COL8A1: variants seen among roughly 807,000 people sequenced by gnomAD.
The protein encoded by COL8A1 is collagen type VIII alpha 1 chain, also known as collagen alpha-1(VIII) chain.
COL8A1 carries 21 observed loss-of-function variants against 42.7 expected under a neutral mutation model. That is an observed-to-expected ratio of 0.49 (90% confidence interval 0.35 to 0.71). The LOEUF (loss-of-function observed/expected upper bound fraction) is 0.71. Among genes scored for constraint, COL8A1 ranks in the 30% least tolerant of loss-of-function variants. The probability of loss-of-function intolerance (pLI) is 0.01; values close to 1 mark genes in which losing one functional copy is unlikely to be tolerated. For missense variants in COL8A1, 788 were observed against 962.4 expected (o/e 0.82, Z 2.40); for synonymous variants, 367 against 369.1 (o/e 0.99, Z 0.06).
chr3:99,673,178 T>C (rs1379075300), intron 1 of COL8A1, among the ~76,000 whole-genome samples: 1 of 152,084 alleles, frequency 6.6e-6, no homozygotes, highest in African/African-American at 2.4e-5. Flanking sequence ...TTTGTGGATT[T>C]TTTTTTAACA....
At chr3:99,696,019 A>G (rs1939355443) in intron 1 of COL8A1, among the ~76,000 whole-genome samples, 1 of 152,190 alleles carries the variant, frequency 6.6e-6, no homozygotes, top group African/African-American at 2.4e-5. Context: ...CTGTAATCCC[A>G]GCTACTCAGG....
chr3:99,726,076 G>A (rs1456256425), intron 1 of COL8A1, among the ~76,000 whole-genome samples: 1 of 152,080 alleles, frequency 6.6e-6, no homozygotes, highest in African/African-American at 2.4e-5. Context: ...TCCAGTACCT[G>A]TTGTTTTCTG....
chr3:99,734,577 G>A (rs1486898123), intron 1 of COL8A1, among the ~76,000 whole-genome samples: 6 of 151,992 alleles, frequency 3.9e-5, no homozygotes, highest in Non-Finnish European at 8.8e-5. Context: ...TTGAAGTCAG[G>A]TAGTGTGATG....
chr3:99,677,064 A>AAG (rs140136211), intron 1 of COL8A1, among the ~76,000 whole-genome samples: 479 of 149,440 alleles, frequency 3.2e-3, no homozygotes, highest in African/African-American at 4.7e-3. Context: ...CAAAAAGAAA[A>AAG]AGAGAGAGAG....
intron 1 of COL8A1, among the ~76,000 whole-genome samples, chr3:99,688,992 C>T (rs1228169691): frequency 6.6e-6 from 1 of 152,152 alleles, no homozygotes; most frequent in East Asian, 1.9e-4. Context: ...AGCCAAATGT[C>T]CCATAGATGG....
At chr3:99,713,860 G>T (rs1038142838) in intron 1 of COL8A1, among the ~76,000 whole-genome samples, 1 of 152,106 alleles carries the variant, frequency 6.6e-6, no homozygotes, top group Non-Finnish European at 1.5e-5. Flanking sequence ...GAGCCAACTT[G>T]CCCCAGGCTG....
At chr3:99,673,658 G>T (rs1938609390) in intron 1 of COL8A1, among the ~76,000 whole-genome samples, 1 of 152,038 alleles carries the variant, frequency 6.6e-6, no homozygotes, top group South Asian at 2.1e-4. Flanking sequence ...CACTCTGATT[G>T]TAAGATAATT....
At chr3:99,784,050 T>C (rs1391264087) in intron 2 of COL8A1, among the ~76,000 whole-genome samples, 1 of 152,192 alleles carries the variant, frequency 6.6e-6, no homozygotes, top group Non-Finnish European at 1.5e-5. Flanking sequence ...GCTTGTCTTA[T>C]GTAAGAGAAG....
chr3:99,740,569 T>A (rs114702333), intron 1 of COL8A1, among the ~76,000 whole-genome samples: 2,042 of 152,240 alleles, frequency 0.013, 34 homozygotes, highest in Non-Finnish European at 0.018. Flanking sequence ...CTGTGAGAAC[T>A]CACTCACTGT....
chr3:99,668,252 T>C (rs887740966), intron 1 of COL8A1, among the ~76,000 whole-genome samples: 3 of 152,178 alleles, frequency 2.0e-5, no homozygotes, highest in African/African-American at 7.2e-5. Flanking sequence ...AATTGTGTTA[T>C]CAGGTTTTCG....
Position 99,794,467 on chromosome 3 carries a change from C to A in COL8A1, c.566C>A (p.Pro189His). 1 of 1,614,070 alleles carries A rather than the reference C, an allele frequency of 6.2e-7. No individual in the cohort carries two copies. Among genetic ancestry groups the A allele is most frequent in the Non-Finnish European group, 8.5e-7 (1 of 1,179,974 alleles). The change falls in exon 4 of 4, where the codon CCT becomes CAT. Residue 189 changes from proline to histidine, a missense_variant. By Grantham distance (77) the Pro-to-His change is moderately conservative (BLOSUM62 -2). This residue lies in a region of COL8A1 where 421 missense variants were observed against 553.1 expected (regional missense o/e 0.76). Coordinates refer to ENST00000652472, the MANE Select transcript of COL8A1 (RefSeq NM_020351.4). The surrounding 1 kb of genome is among the most constrained non-coding windows in gnomAD (Gnocchi z 4.3). The part of the protein sequence containing the change: ...GEIGQKGEIG[P>H]MGIPGPQGPP... ...ATTGGACAGAAAGGGGAAATTGGGC[C>A]TATGGGGATCCCAGGACCACAAGGA...
chr3:99,680,733 T>C (rs1938849861), intron 1 of COL8A1, among the ~76,000 whole-genome samples: 1 of 152,176 alleles, frequency 6.6e-6, no homozygotes, highest in African/African-American at 2.4e-5. Flanking sequence ...GATTTGCATT[T>C]CTGTATACTA....
chr3:99,726,673 T>G (rs1940338470), intron 1 of COL8A1, among the ~76,000 whole-genome samples: 1 of 152,134 alleles, frequency 6.6e-6, no homozygotes, highest in African/African-American at 2.4e-5. Context: ...TAGGGAATCC[T>G]TTCCCCATTG....
At chr3:99,748,485 T>C (rs2107410357) in intron 2 of COL8A1, among the ~76,000 whole-genome samples, 1 of 152,288 alleles carries the variant, frequency 6.6e-6, no homozygotes, top group South Asian at 2.1e-4. Context: ...AAGTAATAAG[T>C]ATAAATATAT....
intron 1 of COL8A1, among the ~76,000 whole-genome samples, chr3:99,662,533 G>A (rs1293079218): frequency 6.6e-6 from 1 of 152,132 alleles, no homozygotes; most frequent in Non-Finnish European, 1.5e-5. Context: ...TATGAACTTG[G>A]AAGGATATAT....
At chr3:99,736,942 A>G (rs1940739362) in intron 1 of COL8A1, among the ~76,000 whole-genome samples, 1 of 152,150 alleles carries the variant, frequency 6.6e-6, no homozygotes, top group South Asian at 2.1e-4. Context: ...TATATTTAGG[A>G]TAGTTAGCTC....
At chr3:99,736,599 G>C (rs1313236894) in intron 1 of COL8A1, among the ~76,000 whole-genome samples, 1 of 151,358 alleles carries the variant, frequency 6.6e-6, no homozygotes, top group Non-Finnish European at 1.5e-5. Flanking sequence ...TGAGAGATAA[G>C]TTTGTTATAA....
chr3:99,647,952 T>A (rs560472786), intron 1 of COL8A1, among the ~76,000 whole-genome samples: 5 of 152,314 alleles, frequency 3.3e-5, no homozygotes, highest in Non-Finnish European at 7.3e-5. Context: ...GAGGTCAGTA[T>A]CCCGTAAGTG....
intron 2 of COL8A1, among the ~76,000 whole-genome samples, chr3:99,781,585 C>T (rs1576474635): frequency 6.6e-6 from 1 of 152,174 alleles, no homozygotes; most frequent in East Asian, 1.9e-4. Flanking sequence ...ACGATGTCCA[C>T]TTTAATGGAT....
Sources: allele counts gnomAD v4.1 joint callset (sites outside exome capture counted in the v4.1 genomes callset), GRCh38; gene constraint gnomAD v4.1.1; regional missense constraint gnomAD v4.1.1; non-coding constraint Gnocchi (gnomAD v3.1); transcripts MANE v1.5; gene names NCBI Gene and HGNC (gene_info 2026-07-23, HGNC 2026-07-21).